The following ATP6V1E2 variants were observed in gnomAD, a reference collection of about 807,000 sequenced individuals.
ATP6V1E2 encodes the protein ATPase H+ transporting V1 subunit E2, also known as V-type proton ATPase subunit E 2.
For missense variants in ATP6V1E2, 308 were observed against 273.3 expected (o/e 1.13, Z -0.90); for synonymous variants, 121 against 104.2 (o/e 1.16, Z -0.98).
intron 2 of ATP6V1E2, among the ~76,000 whole-genome samples, chr2:46,538,909 T>C (rs908178832): frequency 6.6e-6 from 1 of 152,046 alleles, no homozygotes; most frequent in African/African-American, 2.4e-5. Flanking sequence ...GTTGAGGCTA[T>C]AGTGAGCTGA....
chr2:46,523,763 G>T (rs1161308602), intron 4 of ATP6V1E2, among the ~76,000 whole-genome samples: 8 of 151,938 alleles, frequency 5.3e-5, no homozygotes, highest in Non-Finnish European at 1.0e-4. Context: ...TTTTAATTCT[G>T]TGAAGAATGT....
At chr2:46,538,621 G>C (rs1667566706) in intron 2 of ATP6V1E2, among the ~76,000 whole-genome samples, 1 of 152,160 alleles carries the variant, frequency 6.6e-6, no homozygotes, top group East Asian at 1.9e-4. Context: ...CTTTGTGATG[G>C]GGGAGTAGTG....
chr2:46,517,980 C>T (rs1235946300), intron 4 of ATP6V1E2, among the ~76,000 whole-genome samples: 1 of 152,132 alleles, frequency 6.6e-6, no homozygotes, highest in African/African-American at 2.4e-5. Flanking sequence ...ATGGAATTAC[C>T]ATGTAATCCA....
Position 46,530,373 on chromosome 2 carries a change from CACCTCTCAGGA to C in ATP6V1E2, c.-102+5429_-102+5439del, listed in dbSNP as rs1190804538. Among the ~76,000 whole-genome samples the C allele has an allele frequency of 6.6e-6, 1 of 152,132 alleles. No individual in the cohort carries two copies. The highest frequency in any genetic ancestry group is 2.4e-5 in the African/African-American group (1 of 41,430). ...ACTATCTCAGGGTAGGTCAGGCATCCACCTCTCAGGAACCAAGAACCATCATCCTCCTCCCT... is the reference window on the plus strand; with the variant it reads ...ACTATCTCAGGGTAGGTCAGGCATCCACCAAGAACCATCATCCTCCTCCCT... On this transcript the variant is annotated intron_variant, in intron 4 of 4. Coordinates refer to ENST00000522587, the MANE Select transcript of ATP6V1E2 (RefSeq NM_001318063.2). This position sits in a 1 kb window ranked among gnomAD's most constrained non-coding sequence, Gnocchi z 5.2.
At position 46,512,444 on chromosome 2, in the gene ATP6V1E2, G is replaced by A. The variant is rs753211146; in HGVS notation, c.268C>T (p.Leu90Phe). The change falls in exon 5 of 5, where the codon CTC (leucine) becomes TTC (phenylalanine). Residue 90 changes from leucine to phenylalanine, a missense_variant. By Grantham distance (22) the Leu-to-Phe change is conservative. Coordinates refer to ENST00000522587, the MANE Select transcript of ATP6V1E2 (RefSeq NM_001318063.2). ...GCCTCACTGAGCAAATCTGAGATGA[G>A]GTCATTTCGGGCTCTCAGGACTTTC... Reference protein sequence around the residue: ...RLKVLRARNDLISDLLSEAKL... With the variant: ...RLKVLRARNDFISDLLSEAKL... 9.3e-6 allele frequency: 15 copies of A among 1,614,060 alleles called. No individual in the cohort carries two copies. The Admixed American group carries it at 2.2e-4, about 23-fold the overall frequency.
At chr2:46,541,045 A>G (rs532828837) in intron 2 of ATP6V1E2, among the ~76,000 whole-genome samples, 2 of 152,316 alleles carry the variant, frequency 1.3e-5, no homozygotes, top group Admixed American at 6.5e-5. Context: ...GACCAAACTC[A>G]GCTCTCCTGG....
At chr2:46,514,316 G>A (rs368741104) in intron 4 of ATP6V1E2, among the ~76,000 whole-genome samples, 1 of 95,694 alleles carries the variant, frequency 1.0e-5, no homozygotes, top group African/African-American at 4.0e-5. Flanking sequence ...AAGAAAAAAG[G>A]AAATACAGCT....
chr2:46,521,137 C>A (rs375532219), intron 4 of ATP6V1E2, among the ~76,000 whole-genome samples: 18 of 152,146 alleles, frequency 1.2e-4, no homozygotes, highest in African/African-American at 4.3e-4. Flanking sequence ...ATATCAAATT[C>A]TTGGGCTCAA....
In ATP6V1E2 at chr2:46,512,173, C is replaced by A. The variant is rs200523224; in HGVS notation, c.539G>T (p.Gly180Val). 2 of 1,614,236 alleles carry A rather than the reference C, an allele frequency of 1.2e-6. No individual in the cohort carries two copies. The highest frequency in any genetic ancestry group is 8.5e-7 in the Non-Finnish European group (1 of 1,180,042). The change falls in exon 5 of 5, where the codon GGT becomes GTT. Residue 180 changes from glycine (G) to valine (V), a missense_variant. Gly to Val is a moderately radical substitution (Grantham distance 109). Transcript: ENST00000522587. ...EAYLAVNAAGGVEVYSGNQRI... is the reference protein window; with the variant it reads ...EAYLAVNAAGVVEVYSGNQRI... ...CTGATTGCCACTGTAGACCTCCACA[C>A]CTCCAGCTGCATTCACAGCCAGGTA...
chr2:46,528,353 C>A (rs1667028245), intron 4 of ATP6V1E2, among the ~76,000 whole-genome samples: 1 of 152,242 alleles, frequency 6.6e-6, no homozygotes, highest in Non-Finnish European at 1.5e-5. Flanking sequence ...CTCATGTACC[C>A]ACTCAATCCA....
intron 4 of ATP6V1E2, among the ~76,000 whole-genome samples, chr2:46,525,831 G>C (rs1255940186): frequency 6.6e-6 from 1 of 151,790 alleles, no homozygotes; most frequent in Non-Finnish European, 1.5e-5. Context: ...CTTCAAAGCA[G>C]TCAGGTTCTC....
At position 46,517,121 on chromosome 2, in the gene ATP6V1E2, T is replaced by C. The variant is rs552320633; in HGVS notation, c.-101-4309A>G. 1.4e-4 allele frequency among the ~76,000 whole-genome samples: 21 copies of C among 152,330 alleles called. No individual in the cohort carries two copies. The East Asian group carries it at 3.9e-3, about 28-fold the overall frequency. ...TAAAGTAATTAAAACAGTATGGTAC[T>C]GGCATAAAGCTAGATATATAGACCA... On this transcript the variant is annotated intron_variant, in intron 4 of 4. Transcript: ENST00000522587.
At chr2:46,525,716 G>A (rs1666886931) in intron 4 of ATP6V1E2, among the ~76,000 whole-genome samples, 1 of 152,172 alleles carries the variant, frequency 6.6e-6, no homozygotes, top group Non-Finnish European at 1.5e-5. Flanking sequence ...CAGGACTGGA[G>A]AAAGCTAATG....
Position 46,514,175 on chromosome 2 carries a change from G to C in ATP6V1E2, c.-101-1363C>G, listed in dbSNP as rs530496374. On this transcript the variant is annotated intron_variant, in intron 4 of 4. Coordinates refer to ENST00000522587, the MANE Select transcript of ATP6V1E2 (RefSeq NM_001318063.2). Reference sequence around the variant, plus strand: ...GATGCCTGTAATCCCAGCTACTCAGGGGGCTGAGGCAGGAGAATCGCTTGA... The same window carrying C: ...GATGCCTGTAATCCCAGCTACTCAGCGGGCTGAGGCAGGAGAATCGCTTGA... Among the ~76,000 whole-genome samples, 6 of 152,218 alleles carry C rather than the reference G, an allele frequency of 3.9e-5. No individual in the cohort carries two copies. The East Asian group carries it at 1.2e-3, about 29-fold the overall frequency.
intron 4 of ATP6V1E2, chr2:46,527,918 C>A (rs996776425): frequency 6.6e-6 from 1 of 151,924 alleles, no homozygotes; most frequent in Non-Finnish European, 1.5e-5. Flanking sequence ...GTTCTTTATC[C>A]CTCTGTGGTC....
At chr2:46,517,794 C>T (rs1572699894) in intron 4 of ATP6V1E2, among the ~76,000 whole-genome samples, 1 of 152,234 alleles carries the variant, frequency 6.6e-6, no homozygotes, top group African/African-American at 2.4e-5. Context: ...AATGAGATAT[C>T]ACTTTACTCC....
At chr2:46,533,185 T>C (rs1667267899) in intron 4 of ATP6V1E2, among the ~76,000 whole-genome samples, 1 of 148,118 alleles carries the variant, frequency 6.8e-6, no homozygotes, top group Non-Finnish European at 1.5e-5. Context: ...ATATCATATA[T>C]AGTGTGTGCA....
At chr2:46,518,319 T>C (rs1356313462) in intron 4 of ATP6V1E2, among the ~76,000 whole-genome samples, 3 of 152,044 alleles carry the variant, frequency 2.0e-5, no homozygotes, top group African/African-American at 7.2e-5. Context: ...CAGGAAATAT[T>C]AACAGAATGA....
rs1234118300 is a variant in ATP6V1E2, at chr2:46,533,221, A to AGATG, written c.-102+2591_-102+2592insCATC. On this transcript the variant is annotated intron_variant, in intron 4 of 4. Coordinates refer to ENST00000522587, the MANE Select transcript of ATP6V1E2 (RefSeq NM_001318063.2). ...TGTATGTGTAGATAGATAGATAGATAGATAGATAGATAGATAGATAGATAG... is the reference window on the plus strand; with the variant it reads ...TGTATGTGTAGATAGATAGATAGATAGATGGATAGATAGATAGATAGATAGATAG... Among the ~76,000 whole-genome samples, 13 of 150,220 alleles carry AGATG rather than the reference A, an allele frequency of 8.7e-5. No individual in the cohort carries two copies. The Admixed American group carries it at 8.7e-4, about 10-fold the overall frequency.
Sources: gnomAD v4.1 joint callset for allele counts (sites outside exome capture counted in the v4.1 genomes callset) on GRCh38, gnomAD v4.1.1 for gene constraint, Gnocchi (gnomAD v3.1) non-coding constraint, MANE v1.5 for transcripts, NCBI Gene and HGNC (gene_info 2026-07-23, HGNC 2026-07-21) for gene names.